Variants in OCSTAMP observed in about 807,000 individuals in gnomAD.
OCSTAMP encodes transmembrane protein C20orf123.
A neutral mutation model predicts 25.2 loss-of-function variants in OCSTAMP; 17 were observed. That is an observed-to-expected ratio of 0.68 (90% CI 0.46 to 1.01). OCSTAMP has a LOEUF of 1.01. Among genes scored for constraint, OCSTAMP ranks in the 50% least tolerant of loss-of-function variants. The pLI, the probability that OCSTAMP is intolerant of heterozygous loss-of-function variation, is 0.00. For synonymous variants in OCSTAMP, 345 were observed against 318.9 expected, an observed-to-expected ratio of 1.08 and a Z score of -0.87; for missense variants, 664 against 694.6, an observed-to-expected ratio of 0.96 and a Z score of 0.50.
At chr20:46,548,338 G>C (rs2061859653) in intron 1 of OCSTAMP, among the ~76,000 whole-genome samples, 1 of 152,154 alleles carries the variant, frequency 6.6e-6, no homozygotes, top group South Asian at 2.1e-4. Context: ...CCGGAGCAGG[G>C]ACTTTGTCCG....
At chr20:46,546,442 T>G (rs2061853492) in intron 1 of OCSTAMP, 113 bp from the exon 2 acceptor site, 2 of 904,502 alleles carry the variant, frequency 2.2e-6, no homozygotes, top group South Asian at 3.4e-5. Context: ...GACTCCACCC[T>G]TGTAGTTACC....
In OCSTAMP at chr20:46,545,531, G is replaced by A. The variant is rs1286243499; in HGVS notation, c.843C>T (p.Thr281=). The A allele has an allele frequency of 1.3e-6, 2 of 1,551,530 alleles. No homozygotes were observed. The highest frequency in any genetic ancestry group is 1.4e-5 in the African/African-American group (1 of 73,182). The change falls in exon 2 of 3, where the codon ACC becomes ACT. Residue 281 remains threonine, a synonymous_variant. Coordinates refer to ENST00000279028, the MANE Select transcript of OCSTAMP (RefSeq NM_080721.3). The stretch of plus-strand genomic sequence containing the variant: ...TCAGCTGAGCCGCCTGGAGCAGCCA[G>A]GTGGGTGGAGGGGCCAGGAGGTGTG... ...QATHLLAPPP[T]WLLQAAQLRL... is the part of the protein sequence containing the mutation.
At chr20:46,547,457 C>T (rs1239209920) in intron 1 of OCSTAMP, among the ~76,000 whole-genome samples, 3 of 152,102 alleles carry the variant, frequency 2.0e-5, no homozygotes, top group Non-Finnish European at 4.4e-5. Context: ...TCAAGGCGCT[C>T]CAAGGTTAGG....
rs974247841 is a variant in OCSTAMP at position 46,540,984 on chromosome 20, C to T, written c.*290G>A. The stretch of plus-strand genomic sequence containing the variant: ...TTAATTTGGCAAAATCTAATCCTGG[C>T]AATGGAAAGGCCCTGAAGGAATTTG... On this transcript the variant is annotated 3_prime_UTR_variant, in exon 3 of 3. Coordinates refer to ENST00000279028, the MANE Select transcript of OCSTAMP (RefSeq NM_080721.3). 8 of 322,780 alleles carry T rather than the reference C, an allele frequency of 2.5e-5. 1 individual carries two copies. The highest frequency in any genetic ancestry group is 1.7e-4 in the African/African-American group (8 of 48,268). The allele number at this position is 322,780 out of a possible 1,614,324, so 20.0% of individuals were successfully genotyped here.
In OCSTAMP at chr20:46,541,895, G is replaced by A. The variant is rs2061835920; in HGVS notation, c.1080C>T (p.Phe360=). Residue 360 remains phenylalanine (F), a synonymous_variant, in exon 3 of 3, where the codon TTC becomes TTT. Transcript: ENST00000279028. ...VAYTVLGFIP[F]LFNQLAPESP... ...TCTCCGGAGCCAGCTGGTTGAAGAG[G>A]AAAGGGATGAAGCCCAGGACAGTGT... 4.1e-6 allele frequency: 6 copies of A among 1,461,608 alleles called. No homozygotes were observed. Among genetic ancestry groups the A allele is most frequent in the Middle Eastern group, 2.1e-4 (1 of 4,872 alleles). 90.5% of individuals were successfully genotyped at this position (1,461,608 alleles called of 1,614,324 possible).
chr20:46,542,029 T>C (rs545628697), intron 2 of OCSTAMP, 102 bp from the exon 3 acceptor site: 1 of 1,350,874 alleles, frequency 7.4e-7, no homozygotes, highest in African/African-American at 1.5e-5. Flanking sequence ...ATCTGCAAAA[T>C]GGTTACAGAA....
chr20:46,549,503 G>A (rs528016748), intron 1 of OCSTAMP, among the ~76,000 whole-genome samples: 4 of 152,160 alleles, frequency 2.6e-5, no homozygotes, highest in Non-Finnish European at 5.9e-5. Context: ...GACTGGGGTG[G>A]GATAGATGGA....
chr20:46,548,952 TTGGGGACCACCA>T, intron 1 of OCSTAMP, among the ~76,000 whole-genome samples: 1 of 152,304 alleles, frequency 6.6e-6, no homozygotes, highest in African/African-American at 2.4e-5. Context: ...GCCTCAAGCC[TTGGGGACCACCA>T]TGTAGTATGA....
rs1386575802 is a variant in OCSTAMP, at chr20:46,546,170, G to T, written c.204C>A (p.His68Gln). Residue 68 changes from histidine (H) to glutamine (Q), a missense_variant, in exon 2 of 3, where the codon CAC becomes CAA. By Grantham distance (24) the His-to-Gln change is conservative. Transcript: ENST00000279028. ...GATAAAGCAGCAAGGATGCCAGCCA[G>T]TGATAAACCAGACCTGCAGCAGCAG... ...LAAAAAGLVY[H>Q]WLASLLLYPP... 9 of 1,551,692 alleles carry T rather than the reference G, an allele frequency of 5.8e-6. No homozygotes were observed. Among genetic ancestry groups the T allele is most frequent in the Non-Finnish European group, 7.8e-6 (9 of 1,147,026 alleles).
At chr20:46,546,373 T>A in intron 1 of OCSTAMP, 44 bp from the exon 2 acceptor site, 2 of 1,304,966 alleles carry the variant, frequency 1.5e-6, no homozygotes, top group Non-Finnish European at 2.1e-6. Context: ...AGGAGGTGGG[T>A]GGGTGGGTGT....
chr20:46,550,636 C>T lies in OCSTAMP; in HGVS notation c.-76G>A, dbSNP rs2061868204. On this transcript the variant is annotated 5_prime_UTR_variant, in exon 1 of 3. Coordinates refer to ENST00000279028, the MANE Select transcript of OCSTAMP (RefSeq NM_080721.3). The stretch of plus-strand genomic sequence containing the variant: ...AGGTGGAGAGGAAGTGGGGGAATCG[C>T]TGGGACTTGGGAATCCCTGCCACTT... The T allele has an allele frequency of 6.4e-6, 9 of 1,397,798 alleles. No homozygotes were observed. The highest frequency in any genetic ancestry group is 1.2e-5 in the South Asian group (1 of 80,924). 86.6% of individuals were successfully genotyped at this position (1,397,798 alleles called of 1,614,324 possible).
In OCSTAMP at chr20:46,550,587, C is replaced by T. The variant is rs6017912; in HGVS notation, c.-27G>A. 1.9e-4 allele frequency: 288 copies of T among 1,551,290 alleles called. 1 individual carries two copies. In the African/African-American group the frequency reaches 3.1e-3, roughly 17 times the overall value. On this transcript the variant is annotated 5_prime_UTR_variant, in exon 1 of 3. Coordinates refer to ENST00000279028, the MANE Select transcript of OCSTAMP (RefSeq NM_080721.3). Reference sequence around the variant, plus strand: ...CTGTCCAAATGGCAGTGGTTTCAGGCGGGCGGTCGCTGGCAGCTGTGGCAG... The same window carrying T: ...CTGTCCAAATGGCAGTGGTTTCAGGTGGGCGGTCGCTGGCAGCTGTGGCAG...
intron 2 of OCSTAMP, among the ~76,000 whole-genome samples, chr20:46,544,426 G>A (rs2061844828): frequency 6.6e-6 from 1 of 152,154 alleles, no homozygotes. Flanking sequence ...AGTCTGAAAA[G>A]CACTTTCTTA....
chr20:46,547,764 C>G (rs1487572855), intron 1 of OCSTAMP, among the ~76,000 whole-genome samples: 1 of 152,124 alleles, frequency 6.6e-6, no homozygotes, highest in Non-Finnish European at 1.5e-5. Context: ...CCGGTAATTT[C>G]TACACTAAAA....
At position 46,541,704 on chromosome 20, in the gene OCSTAMP, C is replaced by G; in HGVS notation, c.1271G>C (p.Arg424Pro). ...STVLLEAYAR[R>P]LRHAIAASFF... The stretch of plus-strand genomic sequence containing the variant: ...GGAAGCGGCGATGGCATGCCGCAGG[C>G]GGCGGGCGTAGGCCTCCAGGAGCAC... Residue 424 changes from arginine to proline, a missense_variant, in exon 3 of 3, where the codon CGC becomes CCC. By Grantham distance (103) the Arg-to-Pro change is moderately radical. Transcript: ENST00000279028. 6.5e-7 allele frequency: 1 copy of G among 1,548,958 alleles called. No homozygotes were observed.
Position 46,545,815 on chromosome 20 carries a change from A to T in OCSTAMP, c.559T>A (p.Phe187Ile). Residue 187 changes from phenylalanine to isoleucine, a missense_variant, in exon 2 of 3, where the codon TTT (phenylalanine) becomes ATT (isoleucine). Physicochemically the swap from Phe to Ile is conservative, Grantham distance 21 (BLOSUM62 0). Transcript: ENST00000279028. ...TGQAGSRGLT[F>I]EAQDNGSAFY... ...GCAGAGCCATTGTCCTGGGCCTCAA[A>T]TGTCAGGCCCCGGCTGCCTGCCTGG... is the stretch of plus-strand genomic sequence containing the variant. 6.4e-7 allele frequency: 1 copy of T among 1,551,330 alleles called. No individual in the cohort carries two copies. Among genetic ancestry groups the T allele is most frequent in the Non-Finnish European group, 8.7e-7 (1 of 1,146,982 alleles).
chr20:46,549,617 T>A (rs202373), intron 1 of OCSTAMP, among the ~76,000 whole-genome samples: 22,131 of 151,480 alleles, frequency 0.15, 2,574 homozygotes, highest in East Asian at 0.39. Flanking sequence ...AAGAAGGGAG[T>A]TGGACATCCC....
At position 46,541,169 on chromosome 20, in the gene OCSTAMP, A is replaced by G; in HGVS notation, c.*105T>C. 2 of 633,120 alleles carry G rather than the reference A, an allele frequency of 3.2e-6. No homozygotes were observed. Among genetic ancestry groups the G allele is most frequent in the African/African-American group, 1.8e-5 (1 of 54,866 alleles). The allele number at this position is 633,120 out of a possible 1,614,324, so 39.2% of individuals were successfully genotyped here. ...GATGCAAGGTCTCCATCTAACAAGT[A>G]GAGCAGTTGGTGCAGATGAGATGAG... On this transcript the variant is annotated 3_prime_UTR_variant, in exon 3 of 3. Transcript: ENST00000279028.
In OCSTAMP at chr20:46,545,858, C is replaced by CCTG. The variant is rs2061850251; in HGVS notation, c.513_515dup (p.Ser171dup). On this transcript the variant is annotated inframe_insertion, in exon 2 of 3. Transcript: ENST00000279028. ...CTGCCTGGCCTGTGGGGCCCAGAGC[C>CCTG]CTGGATGCTGCATGCAGCTGGTGAG... 1.3e-6 allele frequency: 2 copies of CCTG among 1,551,348 alleles called. No homozygotes were observed. Among genetic ancestry groups the CCTG allele is most frequent in the Non-Finnish European group, 1.7e-6 (2 of 1,146,986 alleles).
Sources: allele counts gnomAD v4.1 joint callset (sites outside exome capture counted in the v4.1 genomes callset), GRCh38; gene constraint gnomAD v4.1.1; transcripts MANE v1.5; gene names NCBI Gene and HGNC (gene_info 2026-07-23, HGNC 2026-07-21).